IP6K2: variants seen among roughly 807,000 people sequenced by gnomAD.
The protein encoded by IP6K2 is ATP:1D-myo-inositol-hexakisphosphate phosphotransferase.
A neutral mutation model predicts 43.3 loss-of-function variants in IP6K2; 9 were observed. The ratio of observed to expected loss-of-function variants is 0.21; its 90% CI spans 0.13 to 0.36. IP6K2 has a LOEUF of 0.36. Among genes scored for constraint, IP6K2 ranks in the 10% least tolerant of loss-of-function variants. The pLI is 1.00. For missense variants in IP6K2, 332 were observed against 538.4 expected, an observed-to-expected ratio of 0.62 and a Z score of 3.79; for synonymous variants, 209 against 202.4, an observed-to-expected ratio of 1.03 and a Z score of -0.28.
intron 1 of IP6K2, among the ~76,000 whole-genome samples, chr3:48,699,065 A>G (rs996411414): frequency 7.2e-5 from 11 of 152,146 alleles, no homozygotes; most frequent in African/African-American, 2.4e-4. Context: ...CCCACCTCCA[A>G]CGAAAATAAA....
chr3:48,708,420 G>A (rs1347039653), intron 1 of IP6K2, among the ~76,000 whole-genome samples: 2 of 151,766 alleles, frequency 1.3e-5, no homozygotes, highest in Non-Finnish European at 2.9e-5. Flanking sequence ...ATTTTGAGAT[G>A]GGGGCTCACT....
At chr3:48,710,543 A>T (rs566505667) in intron 1 of IP6K2, among the ~76,000 whole-genome samples, 1 of 152,176 alleles carries the variant, frequency 6.6e-6, no homozygotes, top group East Asian at 1.9e-4. Context: ...GAGATAAATC[A>T]TCCTAGGGGT....
At chr3:48,716,608 G>A (rs1446208465) in intron 1 of IP6K2, 1 of 152,194 alleles carries the variant, frequency 6.6e-6, no homozygotes, top group African/African-American at 2.4e-5. Flanking sequence ...AAGGTTAAGT[G>A]TGTAGATTCC....
intron 2 of IP6K2, chr3:48,693,467 G>T: frequency 7.4e-7 from 1 of 1,347,472 alleles, no homozygotes; most frequent in Non-Finnish European, 9.6e-7. Flanking sequence ...CATTGAAAAT[G>T]TTTATTAATT....
intron 1 of IP6K2, among the ~76,000 whole-genome samples, chr3:48,704,082 C>T (rs1165497269): frequency 6.6e-6 from 1 of 151,952 alleles, no homozygotes; most frequent in Non-Finnish European, 1.5e-5. Flanking sequence ...CAGAGTGAGA[C>T]TCTATCTCAA....
rs565895235 is a variant in IP6K2 at position 48,705,435 on chromosome 3, T to G, written c.-130-10014A>C. ...GGCTCACATCTGTAATCCCAGCACT[T>G]TGGGAGGCCGAGGCGGGCGGATCAC... On this transcript the variant is annotated intron_variant, in intron 1 of 5. Coordinates refer to ENST00000328631, the MANE Select transcript of IP6K2 (RefSeq NM_016291.4). Among the ~76,000 whole-genome samples the G allele has an allele frequency of 5.9e-5, 9 of 151,912 alleles. No individual in the cohort carries two copies. In the East Asian group the frequency reaches 1.6e-3, roughly 26 times the overall value.
chr3:48,711,020 C>T (rs749441327), intron 1 of IP6K2, among the ~76,000 whole-genome samples: 1 of 152,050 alleles, frequency 6.6e-6, no homozygotes, highest in Non-Finnish European at 1.5e-5. Flanking sequence ...GTAATTCTCC[C>T]ATCTCAGCCT....
At chr3:48,715,421 C>T (rs2081082805) in intron 1 of IP6K2, 3 of 1,536,132 alleles carry the variant, frequency 2.0e-6, no homozygotes, top group Non-Finnish European at 2.6e-6. Context: ...GGAAGGGAGA[C>T]TGGCAAAGGT....
chr3:48,697,323 G>GT (rs1353950292), intron 1 of IP6K2, among the ~76,000 whole-genome samples: 1 of 150,346 alleles, frequency 6.7e-6, no homozygotes, highest in South Asian at 2.1e-4. Context: ...CCGGCCAGTT[G>GT]TTTTTTCATT....
At position 48,694,628 on chromosome 3, in the gene IP6K2, T is replaced by C; in HGVS notation, c.202+462A>G. 3 of 1,518,880 alleles carry C rather than the reference T, an allele frequency of 2.0e-6. No individual in the cohort carries two copies. In the Admixed American group the frequency reaches 7.5e-5, roughly 38 times the overall value. 94.1% of individuals were successfully genotyped at this position (1,518,880 alleles called of 1,614,324 possible). On this transcript the variant is annotated intron_variant, in intron 2 of 5. Coordinates refer to ENST00000328631, the MANE Select transcript of IP6K2 (RefSeq NM_016291.4). ...GGACATTCTGTAACAGCAAAGGGCT[T>C]GGGCTAATCAGCACAGGCCTCCCAC...
intron 3 of IP6K2, 60 bp from the exon 4 acceptor site, chr3:48,691,542 A>G (rs2106791113): frequency 7.8e-7 from 1 of 1,277,444 alleles, no homozygotes; most frequent in Admixed American, 2.0e-5. Flanking sequence ...AAGGCCGGGC[A>G]TGGTGGCTCA....
intron 1 of IP6K2, chr3:48,699,475 C>T (rs1245420937): frequency 1.3e-5 from 2 of 152,178 alleles, no homozygotes; most frequent in East Asian, 1.9e-4. Context: ...TCCAACTTCT[C>T]TTCTCCAGAG....
intron 1 of IP6K2, chr3:48,711,544 G>C (rs904727917): frequency 6.6e-6 from 1 of 152,206 alleles, no homozygotes; most frequent in Non-Finnish European, 1.5e-5. Context: ...TAGTGGGTTT[G>C]TAATCAACTG....
chr3:48,688,366 G>C lies in IP6K2; in HGVS notation c.1188C>G (p.Thr396=). The change falls in exon 6 of 6, where the codon ACC becomes ACG. Residue 396 remains threonine, a synonymous_variant. Transcript: ENST00000328631. This position sits in a 1 kb window ranked among gnomAD's most constrained non-coding sequence, Gnocchi z 5.1. ...HTTCRLYGED[T]VVHEGQDAGY... ...CAGCATCCTGGCCCTCATGCACCAC[G>C]GTGTCCTCGCCATACAGCCTGCAGG... The C allele has an allele frequency of 6.2e-7, 1 of 1,614,204 alleles. No homozygotes were observed. Among genetic ancestry groups the C allele is most frequent in the Non-Finnish European group, 8.5e-7 (1 of 1,180,034 alleles).
chr3:48,714,365 C>T (rs2080922650), intron 1 of IP6K2, among the ~76,000 whole-genome samples: 2 of 151,868 alleles, frequency 1.3e-5, no homozygotes, highest in Admixed American at 1.3e-4. Flanking sequence ...CCACGCTCGG[C>T]CCTTTCTTTT....
chr3:48,691,553 T>G, intron 3 of IP6K2, 71 bp from the exon 4 acceptor site: 1 of 1,191,584 alleles, frequency 8.4e-7, no homozygotes, highest in Non-Finnish European at 1.2e-6. Flanking sequence ...TGGTGGCTCA[T>G]GCCTGTAATC....
In IP6K2 at chr3:48,695,177, T is replaced by A; in HGVS notation, c.115A>T (p.Thr39Ser). The A allele has an allele frequency of 6.2e-7, 1 of 1,600,776 alleles. No individual in the cohort carries two copies. Among genetic ancestry groups the A allele is most frequent in the Non-Finnish European group, 8.5e-7 (1 of 1,170,346 alleles). Residue 39 changes from threonine to serine, a missense_variant, in exon 2 of 6, where the codon ACC becomes TCC. Thr to Ser is a moderately conservative substitution (Grantham distance 58, BLOSUM62 1). Coordinates refer to ENST00000328631, the MANE Select transcript of IP6K2 (RefSeq NM_016291.4). The surrounding 1 kb of genome is among the most constrained non-coding windows in gnomAD (Gnocchi z 4.6). ...HSCVLRFNET[T>S]LCKPLVPREH... ...CTTGGGACCAGGGGCTTGCACAGGG[T>A]TGTCTCATTGAAGCGGAGCACGCAT... is the stretch of plus-strand genomic sequence containing the variant.
rs2079296218 is a variant in IP6K2, at chr3:48,703,432, C to T, written c.-130-8011G>A. 7.9e-5 allele frequency among the ~76,000 whole-genome samples: 12 copies of T among 151,934 alleles called. No individual in the cohort carries two copies. In the South Asian group the frequency reaches 2.1e-3, roughly 26 times the overall value. ...AAAAAATAATTATCTCGGCCAGGCA[C>T]GGTGGCTCACGCCTGTAATCCCAGC... On this transcript the variant is annotated intron_variant, in intron 1 of 5. Coordinates refer to ENST00000328631, the MANE Select transcript of IP6K2 (RefSeq NM_016291.4).
chr3:48,710,387 G>A (rs2080344706), intron 1 of IP6K2, among the ~76,000 whole-genome samples: 1 of 152,144 alleles, frequency 6.6e-6, no homozygotes, highest in Non-Finnish European at 1.5e-5. Context: ...GTGAGACCCT[G>A]TCTCTAAAAA....
Sources: allele counts gnomAD v4.1 joint callset (sites outside exome capture counted in the v4.1 genomes callset), GRCh38; gene constraint gnomAD v4.1.1; non-coding constraint Gnocchi (gnomAD v3.1); transcripts MANE v1.5; gene names NCBI Gene and HGNC (gene_info 2026-07-23, HGNC 2026-07-21).